The following BARD1 variants were observed in gnomAD, a reference collection of about 807,000 sequenced individuals.
The protein encoded by BARD1 is BRCA1 associated RING domain 1.
BARD1 carries 73 observed loss-of-function variants against 77.0 expected under a neutral mutation model. The ratio of observed to expected loss-of-function variants is 0.95; its 90% CI spans 0.79 to 1.15. BARD1 has a LOEUF of 1.15. Ranked by LOEUF, BARD1 falls within the 50% of genes most tolerant of loss-of-function variation. The pLI, the probability that BARD1 is intolerant of heterozygous loss-of-function variation, is 0.00. For missense variants in BARD1, 993 were observed against 938.8 expected (o/e 1.06, Z -0.75); for synonymous variants, 384 against 338.0 (o/e 1.14, Z -1.49).
At chr2:214,760,787 T>C (rs1329486559) in intron 6 of BARD1, among the ~76,000 whole-genome samples, 1 of 151,708 alleles carries the variant, frequency 6.6e-6, no homozygotes, top group Non-Finnish European at 1.5e-5. Context: ...TTCTTTTTTT[T>C]TTTTTTAGAT....
In BARD1 at chr2:214,728,567, T is replaced by C; in HGVS notation, c.*109A>G. On this transcript the variant is annotated 3_prime_UTR_variant, in exon 11 of 11. Coordinates refer to ENST00000260947, the MANE Select transcript of BARD1 (RefSeq NM_000465.4). ...TTTTTTTTTTTGATTCAAAGACAAA[T>C]ATGAATGACTCTACCTATTTGTAAA... The C allele has an allele frequency of 4.7e-6, 4 of 855,018 alleles. No homozygotes were observed. Among genetic ancestry groups the C allele is most frequent in the Non-Finnish European group, 6.9e-6 (4 of 580,174 alleles). The allele number at this position is 855,018 out of a possible 1,614,324, so 53.0% of individuals were successfully genotyped here. A position where few individuals can be genotyped will look rare whatever the true frequency, so the allele number is the denominator to read the frequency against.
chr2:214,807,769 G>C (rs1357308058), intron 1 of BARD1, among the ~76,000 whole-genome samples: 1 of 152,120 alleles, frequency 6.6e-6, no homozygotes, highest in Non-Finnish European at 1.5e-5. Flanking sequence ...ACTCAATAGT[G>C]TCAAAGCTAG....
At chr2:214,785,536 G>T (rs1180020184) in intron 3 of BARD1, among the ~76,000 whole-genome samples, 1 of 151,956 alleles carries the variant, frequency 6.6e-6, no homozygotes. Context: ...TTACGTAAGA[G>T]ATGTTAGAAT....
intron 9 of BARD1, among the ~76,000 whole-genome samples, chr2:214,739,804 C>T (rs920221546): frequency 6.6e-6 from 1 of 152,004 alleles, no homozygotes; most frequent in Non-Finnish European, 1.5e-5. Context: ...TTATTTTTGA[C>T]ATTTTAGTAA....
chr2:214,765,148 A>G (rs1047846467), intron 6 of BARD1, among the ~76,000 whole-genome samples: 8 of 152,350 alleles, frequency 5.3e-5, no homozygotes, highest in African/African-American at 1.9e-4. Flanking sequence ...AGTAAAGGTG[A>G]CTAGTGGCTA....
intron 2 of BARD1, 177 bp downstream of exon 2, chr2:214,796,884 T>C (rs964033966): frequency 1.6e-6 from 1 of 617,266 alleles, no homozygotes; most frequent in Admixed American, 2.9e-5. Flanking sequence ...TTTGGTTTTC[T>C]TATTTGTAAA....
chr2:214,733,287 C>T (rs1371083267), intron 9 of BARD1, among the ~76,000 whole-genome samples: 8 of 152,200 alleles, frequency 5.3e-5, no homozygotes, highest in East Asian at 3.9e-4. Flanking sequence ...AATATTTGCA[C>T]GTACATAATT....
At chr2:214,748,045 A>G (rs1574744840) in intron 7 of BARD1, among the ~76,000 whole-genome samples, 1 of 152,152 alleles carries the variant, frequency 6.6e-6, no homozygotes, top group African/African-American at 2.4e-5. Flanking sequence ...CTCAATTTAT[A>G]TAACTCCACT....
intron 2 of BARD1, 72 bp from the exon 3 acceptor site, chr2:214,792,517 T>G: frequency 1.4e-6 from 2 of 1,394,902 alleles, no homozygotes; most frequent in Non-Finnish European, 1.9e-6. Context: ...CTAAACAGTT[T>G]GAACAGAAAT....
intron 6 of BARD1, among the ~76,000 whole-genome samples, chr2:214,754,101 T>C (rs1693584928): frequency 6.6e-6 from 1 of 152,108 alleles, no homozygotes; most frequent in Non-Finnish European, 1.5e-5. Context: ...ATTATGCTCA[T>C]ATACCAACTA....
intron 2 of BARD1, among the ~76,000 whole-genome samples, chr2:214,794,010 G>C (rs1048292996): frequency 6.6e-6 from 1 of 152,090 alleles, no homozygotes; most frequent in Non-Finnish European, 1.5e-5. Flanking sequence ...TCAGCACTTT[G>C]GGAGGCCGAG....
intron 3 of BARD1, among the ~76,000 whole-genome samples, chr2:214,787,250 G>T (rs963606875): frequency 6.6e-6 from 1 of 151,698 alleles, no homozygotes; most frequent in Non-Finnish European, 1.5e-5. Context: ...ATAAAAAGAA[G>T]AAATTTCATA....
At chr2:214,778,543 G>C (rs963241701) in intron 4 of BARD1, among the ~76,000 whole-genome samples, 1 of 152,100 alleles carries the variant, frequency 6.6e-6, no homozygotes, top group African/African-American at 2.4e-5. Context: ...AATTCACCAA[G>C]ACAGGAGCAT....
chr2:214,781,749 C>G (rs1695050962), intron 3 of BARD1, among the ~76,000 whole-genome samples: 1 of 151,994 alleles, frequency 6.6e-6, no homozygotes, highest in Admixed American at 6.6e-5. Context: ...AAACATGAAA[C>G]TTATATTCCA....
intron 8 of BARD1, 155 bp downstream of exon 8, chr2:214,745,567 A>T: frequency 1.1e-6 from 1 of 875,360 alleles, no homozygotes; most frequent in Non-Finnish European, 1.8e-6. Context: ...TAAGTAGTTT[A>T]TTACTGAAAA....
At chr2:214,740,047 T>C (rs1276168716) in intron 9 of BARD1, among the ~76,000 whole-genome samples, 1 of 152,040 alleles carries the variant, frequency 6.6e-6, no homozygotes, top group Non-Finnish European at 1.5e-5. Context: ...TTATGAATAA[T>C]ATCAAAATTG....
chr2:214,759,127 A>G (rs927612473), intron 6 of BARD1, among the ~76,000 whole-genome samples: 1 of 152,232 alleles, frequency 6.6e-6, no homozygotes, highest in Non-Finnish European at 1.5e-5. Flanking sequence ...GCTATAAAAC[A>G]TAAATTATCT....
At chr2:214,775,547 T>C (rs7593651) in intron 4 of BARD1, among the ~76,000 whole-genome samples, 77,702 of 151,972 alleles carry the variant, frequency 0.51, 20,759 homozygotes, top group Non-Finnish European at 0.59. Flanking sequence ...ATCTGAAATA[T>C]TGTGAGAATT....
At chr2:214,767,937 C>T (rs1380815820) in intron 5 of BARD1, among the ~76,000 whole-genome samples, 8 of 151,620 alleles carry the variant, frequency 5.3e-5, no homozygotes, top group Admixed American at 2.0e-4. Flanking sequence ...TTTAAACCAA[C>T]GGTAGCTCCT....
Sources: allele counts gnomAD v4.1 joint callset (sites outside exome capture counted in the v4.1 genomes callset), GRCh38; gene constraint gnomAD v4.1.1; transcripts MANE v1.5; gene names NCBI Gene and HGNC (gene_info 2026-07-23, HGNC 2026-07-21).